The following FMN1 variants were observed in gnomAD, a reference collection of about 807,000 sequenced individuals.
The protein encoded by FMN1 is formin 1, also known as formin-1.
In FMN1, 110 loss-of-function variants were observed where a neutral mutation model predicts 132.4. The ratio of observed to expected loss-of-function variants is 0.83; its 90% CI spans 0.71 to 0.97. The LOEUF (loss-of-function observed/expected upper bound fraction) is 0.97, where lower values mean the gene tolerates loss of function less well. FMN1 is among the 50% of genes least tolerant of loss of function. The pLI is 0.00. For synonymous variants in FMN1, 722 were observed against 651.7 expected (o/e 1.11, Z -1.64); for missense variants, 1,792 against 1,705.3 (o/e 1.05, Z -0.90).
chr15:33,098,225 C>T (rs1241680930), intron 4 of FMN1, among the ~76,000 whole-genome samples: 1 of 152,170 alleles, frequency 6.6e-6, no homozygotes, highest in African/African-American at 2.4e-5. Context: ...CAGAGAGAAA[C>T]TGATAGCCTT....
intron 6 of FMN1, among the ~76,000 whole-genome samples, chr15:33,029,501 C>G (rs1310818475): frequency 6.6e-6 from 1 of 151,996 alleles, no homozygotes; most frequent in Non-Finnish European, 1.5e-5. Flanking sequence ...CTGTTTGTAA[C>G]TAGAAACCAC....
Position 33,126,786 on chromosome 15 carries a change from C to CA in FMN1, c.1867+26261dup, listed in dbSNP as rs577341223. Among the ~76,000 whole-genome samples the CA allele has an allele frequency of 4.3e-4, 65 of 152,348 alleles. No homozygotes were observed. In the East Asian group the frequency reaches 0.013, roughly 29 times the overall value. On this transcript the variant is annotated intron_variant, in intron 4 of 20. Coordinates refer to ENST00000616417, the MANE Select transcript of FMN1 (RefSeq NM_001277313.2). ...ACAGATTACTGGAACAGCCAGTTTGCAGGGCCATGAAACCCGAACTCTTTT... is the reference window on the plus strand; with the variant it reads ...ACAGATTACTGGAACAGCCAGTTTGCAAGGGCCATGAAACCCGAACTCTTTT...
chr15:32,987,124 G>C (rs1198270422), intron 7 of FMN1, among the ~76,000 whole-genome samples: 1 of 152,024 alleles, frequency 6.6e-6, no homozygotes, highest in East Asian at 1.9e-4. Context: ...AATGTGAAAA[G>C]GCAGAGACAG....
intron 6 of FMN1, among the ~76,000 whole-genome samples, chr15:33,058,984 A>G (rs1380519393): frequency 6.6e-6 from 1 of 152,132 alleles, no homozygotes; most frequent in African/African-American, 2.4e-5. Flanking sequence ...CAGATCACAA[A>G]ATCTATTTCT....
chr15:33,084,090 T>C (rs2038595919), intron 5 of FMN1, among the ~76,000 whole-genome samples: 1 of 152,160 alleles, frequency 6.6e-6, no homozygotes, highest in African/African-American at 2.4e-5. Context: ...ACCCCTTATT[T>C]AGCATACAAT....
At chr15:33,060,147 G>C (rs1470590388) in intron 6 of FMN1, among the ~76,000 whole-genome samples, 1 of 148,926 alleles carries the variant, frequency 6.7e-6, no homozygotes, top group Non-Finnish European at 1.5e-5. Flanking sequence ...AGTGATGATA[G>C]CAGGCTACAG....
At chr15:33,184,107 G>A (rs529445301) in intron 2 of FMN1, among the ~76,000 whole-genome samples, 14 of 152,094 alleles carry the variant, frequency 9.2e-5, no homozygotes, top group Non-Finnish European at 1.8e-4. Context: ...TATTGTTTTC[G>A]TTATAAACAG....
At chr15:33,160,889 T>G (rs779411345) in intron 3 of FMN1, among the ~76,000 whole-genome samples, 6 of 152,222 alleles carry the variant, frequency 3.9e-5, no homozygotes, top group Non-Finnish European at 7.3e-5. Flanking sequence ...AATAAACAAG[T>G]AGATTACCTC....
intron 4 of FMN1, among the ~76,000 whole-genome samples, chr15:33,139,868 C>T (rs968328169): frequency 4.6e-5 from 7 of 151,968 alleles, no homozygotes; most frequent in East Asian, 1.9e-4. Context: ...TTTTAAGAGG[C>T]GACAAATACC....
At chr15:32,833,154 G>T (rs1455825711) in intron 17 of FMN1, among the ~76,000 whole-genome samples, 2 of 152,114 alleles carry the variant, frequency 1.3e-5, no homozygotes, top group East Asian at 3.9e-4. Context: ...GTCTCTAATG[G>T]TCATATTTTA....
chr15:33,067,485 C>G (rs769260706), intron 5 of FMN1: 4 of 1,614,038 alleles, frequency 2.5e-6, no homozygotes, highest in Non-Finnish European at 3.4e-6. Context: ...ACACAAATGA[C>G]ATCGTCTTTT....
chr15:33,023,073 A>AG (rs1413422333), intron 6 of FMN1, among the ~76,000 whole-genome samples: 2 of 78,774 alleles, frequency 2.5e-5, no homozygotes, highest in African/African-American at 8.9e-5. Context: ...AAAAAAAAAA[A>AG]AAAAGAAAAA....
chr15:32,840,289 T>C (rs1257145107), intron 17 of FMN1, among the ~76,000 whole-genome samples: 1 of 152,140 alleles, frequency 6.6e-6, no homozygotes, highest in Non-Finnish European at 1.5e-5. Context: ...GAAATGGCTT[T>C]TTTTCTGGAG....
chr15:32,886,759 C>T (rs1480276049), intron 16 of FMN1, among the ~76,000 whole-genome samples: 2 of 152,204 alleles, frequency 1.3e-5, no homozygotes, highest in Admixed American at 6.5e-5. Flanking sequence ...CCATTGCTAA[C>T]TCTTGCTGCC....
chr15:33,130,068 G>A lies in FMN1; in HGVS notation c.1867+22980C>T, dbSNP rs538389045. Among the ~76,000 whole-genome samples, 271 of 152,208 alleles carry A rather than the reference G, an allele frequency of 1.8e-3. 1 individual carries two copies. The highest frequency in any genetic ancestry group is 6.3e-3 in the African/African-American group (260 of 41,534). On this transcript the variant is annotated intron_variant, in intron 4 of 20. Transcript: ENST00000616417. The stretch of plus-strand genomic sequence containing the variant: ...TCCACCTCGTGATCCACCTGACCTC[G>A]TGATCCACCTGCCTTGGCCTTCCAA...
intron 5 of FMN1, among the ~76,000 whole-genome samples, chr15:33,075,354 C>T (rs2038166886): frequency 6.6e-6 from 1 of 152,084 alleles, no homozygotes; most frequent in African/African-American, 2.4e-5. Context: ...GAACTAACAG[C>T]CCAAGCAGGA....
chr15:33,144,555 A>G (rs906174624), intron 4 of FMN1, among the ~76,000 whole-genome samples: 12 of 150,628 alleles, frequency 8.0e-5, no homozygotes, highest in South Asian at 2.1e-4. Context: ...GGAGAATGGC[A>G]TGAACCCGGG....
chr15:33,064,257 A>C (rs187449934), intron 6 of FMN1: 14 of 152,388 alleles, frequency 9.2e-5, no homozygotes, highest in Admixed American at 9.1e-4. Flanking sequence ...TATCAGGAAG[A>C]AGGCAGAGAG....
intron 7 of FMN1, among the ~76,000 whole-genome samples, chr15:32,973,674 GC>G (rs1351035382): frequency 6.6e-6 from 1 of 151,766 alleles, no homozygotes. Flanking sequence ...CCTCAGTGTG[GC>G]AGAGCAACTC....
Sources: allele counts gnomAD v4.1 joint callset (sites outside exome capture counted in the v4.1 genomes callset), GRCh38; gene constraint gnomAD v4.1.1; transcripts MANE v1.5; gene names NCBI Gene and HGNC (gene_info 2026-07-23, HGNC 2026-07-21).